The following PACSIN2 variants were observed in gnomAD, a reference collection of about 807,000 sequenced individuals.
The protein encoded by PACSIN2 is protein kinase C and casein kinase substrate in neurons protein 2.
PACSIN2 carries 25 observed loss-of-function variants against 63.8 expected under a neutral mutation model. The observed-to-expected ratio is 0.39, with a 90% CI of 0.29 to 0.55. PACSIN2 has a LOEUF of 0.55. Ranked by LOEUF, PACSIN2 falls within the 20% of genes least tolerant of loss-of-function variation. The pLI, the probability that PACSIN2 is intolerant of heterozygous loss-of-function variation, is 0.62. For synonymous variants in PACSIN2, 255 were observed against 256.2 expected, an observed-to-expected ratio of 1.00 and a Z score of 0.05; for missense variants, 518 against 646.9, an observed-to-expected ratio of 0.80 and a Z score of 2.16.
chr22:42,999,153 G>A (rs527940990), intron 1 of PACSIN2, among the ~76,000 whole-genome samples: 1 of 152,326 alleles, frequency 6.6e-6, no homozygotes, highest in East Asian at 1.9e-4. Context: ...GGCTAAAAGA[G>A]CATTGTAACA....
At chr22:42,907,604 G>A (rs554326597) in intron 2 of PACSIN2, among the ~76,000 whole-genome samples, 7 of 152,368 alleles carry the variant, frequency 4.6e-5, no homozygotes, top group East Asian at 1.9e-4. Context: ...CGTTGGGGTC[G>A]GCGTGCGTGG....
intron 1 of PACSIN2, among the ~76,000 whole-genome samples, chr22:42,984,055 C>T (rs1388430837): frequency 6.9e-6 from 1 of 145,680 alleles, no homozygotes; most frequent in African/African-American, 2.6e-5. Context: ...ACTGCAGCCT[C>T]AACCTCCTGG....
In PACSIN2 at chr22:42,969,950, AC is replaced by A. The variant is rs973354632; in HGVS notation, c.-78+45070del. Among the ~76,000 whole-genome samples, 7 of 151,164 alleles carry A rather than the reference AC, an allele frequency of 4.6e-5. No individual in the cohort carries two copies. The East Asian group carries it at 9.7e-4, about 21-fold the overall frequency. ...AAAAAAAAGAAAAGAAACTAGAATG[AC>A]CCCCCGTTTCAACAAGTATCAACAC... On this transcript the variant is annotated intron_variant, in intron 1 of 10. Transcript: ENST00000263246.
chr22:42,893,851 G>A (rs576505117), intron 2 of PACSIN2, among the ~76,000 whole-genome samples: 44 of 152,192 alleles, frequency 2.9e-4, no homozygotes, highest in Non-Finnish European at 5.1e-4. Context: ...TTTAGGTTGG[G>A]TACCAAGTAG....
intron 2 of PACSIN2, among the ~76,000 whole-genome samples, chr22:42,901,671 C>T (rs184309509): frequency 1.3e-4 from 20 of 151,914 alleles, no homozygotes; most frequent in South Asian, 4.1e-4. Context: ...CCGCCTGCCA[C>T]GGCGATCGCC....
chr22:42,926,229 G>A lies in PACSIN2; in HGVS notation c.-77-14072C>T, dbSNP rs371445231. Among the ~76,000 whole-genome samples, 37 of 152,276 alleles carry A rather than the reference G, an allele frequency of 2.4e-4. No homozygotes were observed. The South Asian group carries it at 3.1e-3, about 13-fold the overall frequency. ...GATTCAACAACGGGAAACAGCTTGC[G>A]CATTGCAAGATGCTTGGGCTTAAAG... On this transcript the variant is annotated intron_variant, in intron 1 of 10. Coordinates refer to ENST00000263246, the MANE Select transcript of PACSIN2 (RefSeq NM_001184970.3).
At chr22:42,999,211 C>T (rs986812634) in intron 1 of PACSIN2, among the ~76,000 whole-genome samples, 3 of 152,214 alleles carry the variant, frequency 2.0e-5, no homozygotes, top group Non-Finnish European at 4.4e-5. Context: ...CTCGCCTCGG[C>T]CCCTGTACTT....
intron 1 of PACSIN2, among the ~76,000 whole-genome samples, chr22:42,935,099 T>TTG (rs1555924836): frequency 1.5e-4 from 22 of 146,152 alleles, no homozygotes; most frequent in African/African-American, 4.3e-4. Flanking sequence ...TTTTTTTTTT[T>TTG]TATTTTCAGT....
chr22:42,967,654 C>T (rs1270611688), intron 1 of PACSIN2, among the ~76,000 whole-genome samples: 1 of 152,032 alleles, frequency 6.6e-6, no homozygotes, highest in Non-Finnish European at 1.5e-5. Context: ...TTTGGGAGGC[C>T]GAGGCGGGCG....
chr22:43,014,930 G>C (rs1294445930), intron 1 of PACSIN2, 91 bp downstream of exon 1: 1 of 149,602 alleles, frequency 6.7e-6, no homozygotes, highest in African/African-American at 2.4e-5. Context: ...GGCCCTGACG[G>C]GGCGCGGGCC....
intron 1 of PACSIN2, among the ~76,000 whole-genome samples, chr22:42,912,883 A>C (rs1025695504): frequency 6.6e-6 from 1 of 152,224 alleles, no homozygotes. Context: ...CCAGAGATCC[A>C]AGACCTTCCT....
chr22:43,015,010 C>G lies in PACSIN2; in HGVS notation c.-78+11G>C, dbSNP rs1371766328. 1 of 151,630 alleles carries G rather than the reference C, an allele frequency of 6.6e-6. No individual in the cohort carries two copies. Among genetic ancestry groups the G allele is most frequent in the Non-Finnish European group, 1.5e-5 (1 of 67,876 alleles). The allele number at this position is 151,630 out of a possible 1,614,324, so 9.4% of individuals were successfully genotyped here. A position where few individuals can be genotyped will look rare whatever the true frequency, so the allele number is the denominator to read the frequency against. ...CCGTCGCGGCGACCCCTGACCTCGG[C>G]GGCCACTCACCTCCCAATCCGTCGC... is the stretch of plus-strand genomic sequence containing the variant. On this transcript the variant is annotated intron_variant, in intron 1 of 10. Transcript: ENST00000263246.
chr22:42,994,762 G>GC (rs1406922944), intron 1 of PACSIN2, among the ~76,000 whole-genome samples: 1 of 152,184 alleles, frequency 6.6e-6, no homozygotes, highest in Non-Finnish European at 1.5e-5. Context: ...GGTCCCACAT[G>GC]CCCCACCTAC....
intron 1 of PACSIN2, among the ~76,000 whole-genome samples, chr22:42,927,933 T>G (rs1052005446): frequency 2.0e-5 from 3 of 152,112 alleles, no homozygotes; most frequent in Non-Finnish European, 2.9e-5. Context: ...GGTCCCATAC[T>G]CCACTGAGCC....
chr22:42,969,946 A>G (rs1312803471), intron 1 of PACSIN2, among the ~76,000 whole-genome samples: 1 of 151,940 alleles, frequency 6.6e-6, no homozygotes, highest in Non-Finnish European at 1.5e-5. Context: ...AAGAAACTAG[A>G]ATGACCCCCC....
At chr22:42,987,255 T>C (rs1922679917) in intron 1 of PACSIN2, among the ~76,000 whole-genome samples, 1 of 152,126 alleles carries the variant, frequency 6.6e-6, no homozygotes, top group South Asian at 2.1e-4. Context: ...AAAAAAGTGA[T>C]AACAGCACTA....
intron 8 of PACSIN2, among the ~76,000 whole-genome samples, chr22:42,878,144 C>A (rs960799562): frequency 6.6e-6 from 1 of 152,142 alleles, no homozygotes; most frequent in East Asian, 1.9e-4. Flanking sequence ...GTGCAGCAAC[C>A]CTGGCCAGCC....
At chr22:42,976,508 G>C (rs1160839254) in intron 1 of PACSIN2, among the ~76,000 whole-genome samples, 2 of 152,168 alleles carry the variant, frequency 1.3e-5, no homozygotes, top group Non-Finnish European at 2.9e-5. Flanking sequence ...GTCATGCCTG[G>C]AGTGTCACAG....
chr22:42,888,897 G>T, intron 4 of PACSIN2, 99 bp from the exon 5 acceptor site: 1 of 1,230,582 alleles, frequency 8.1e-7, no homozygotes, highest in Non-Finnish European at 1.2e-6. Flanking sequence ...TACCAAGAGG[G>T]GAGAAAAAGG....
Sources: gnomAD v4.1 joint callset for allele counts (sites outside exome capture counted in the v4.1 genomes callset) on GRCh38, gnomAD v4.1.1 for gene constraint, MANE v1.5 for transcripts, NCBI Gene and HGNC (gene_info 2026-07-23, HGNC 2026-07-21) for gene names.